Variants in SLC6A4 observed in about 807,000 individuals in gnomAD.
The protein encoded by SLC6A4 is solute carrier family 6 member 4.
In SLC6A4, 22 loss-of-function variants were observed where a neutral mutation model predicts 73.4. That is an observed-to-expected ratio of 0.30 (90% CI 0.21 to 0.43). The LOEUF (loss-of-function observed/expected upper bound fraction) is 0.43, where lower values mean the gene tolerates loss of function less well. Ranked by LOEUF, SLC6A4 falls within the 20% of genes least tolerant of loss-of-function variation. SLC6A4 has a pLI of 1.00. For synonymous variants in SLC6A4, 270 were observed against 315.5 expected (o/e 0.86, Z 1.53); for missense variants, 593 against 808.5 (o/e 0.73, Z 3.23).
In SLC6A4 at chr17:30,221,993, G is replaced by A. The variant is rs780985065; in HGVS notation, c.-35C>T. 3 of 1,613,472 alleles carry A rather than the reference G, an allele frequency of 1.9e-6. No individual in the cohort carries two copies. The African/African-American group carries it at 4.0e-5, about 22-fold the overall frequency. On this transcript the variant is annotated 5_prime_UTR_variant, in exon 3 of 15. Transcript: ENST00000650711. ...TAGTAAATGACACTGATGTCCATCT[G>A]CCAAGGATCCCAATTGATCTCTGGG...
In SLC6A4 at chr17:30,230,092, A is replaced by G. The variant is rs796741102; in HGVS notation, c.-221+5521T>C. On this transcript the variant is annotated intron_variant, in intron 1 of 14. Coordinates refer to ENST00000650711, the MANE Select transcript of SLC6A4 (RefSeq NM_001045.6). Reference sequence around the variant, plus strand: ...AAGAAGAAGAAGAAGAAGAAGAAGAAGAAGAGGAGGAAGAGGAAGAGGAAG... The same window carrying G: ...AAGAAGAAGAAGAAGAAGAAGAAGAGGAAGAGGAGGAAGAGGAAGAGGAAG... Among the ~76,000 whole-genome samples the G allele has an allele frequency of 4.6e-3, 603 of 132,002 alleles. 5 individuals carry two copies. The highest frequency in any genetic ancestry group is 0.013 in the African/African-American group (379 of 29,448). 86.6% of individuals were successfully genotyped at this position (132,002 alleles called of 152,430 possible).
intron 3 of SLC6A4, among the ~76,000 whole-genome samples, chr17:30,220,649 G>T (rs905346858): frequency 5.9e-5 from 9 of 152,176 alleles, no homozygotes; most frequent in Non-Finnish European, 1.2e-4. Flanking sequence ...CCTCACACAG[G>T]TCCAAAGGAT....
At position 30,235,499 on chromosome 17, in the gene SLC6A4, T is replaced by G. The variant is rs1320887337; in HGVS notation, c.-221+114A>C. ...CGCCCACCGCTGGGGCGCATGCACC[T>G]CCTCGCCTCCTCGCAGGGCGGTGGG... On this transcript the variant is annotated intron_variant, in intron 1 of 14. Coordinates refer to ENST00000650711, the MANE Select transcript of SLC6A4 (RefSeq NM_001045.6). The surrounding 1 kb of genome is among the most constrained non-coding windows in gnomAD (Gnocchi z 4.5). The G allele has an allele frequency of 6.6e-6, 1 of 152,182 alleles. No individual in the cohort carries two copies. The highest frequency in any genetic ancestry group is 1.5e-5 in the Non-Finnish European group (1 of 68,052). 9.4% of individuals were successfully genotyped at this position (152,182 alleles called of 1,614,324 possible).
intron 11 of SLC6A4, 149 bp from the exon 12 acceptor site, chr17:30,209,391 G>T: frequency 3.4e-6 from 2 of 589,160 alleles, no homozygotes. Context: ...TGCCTCTTAG[G>T]CCAGGTGCGG....
Position 30,201,737 on chromosome 17 carries a change from G to A in SLC6A4, c.1818+1435C>T, listed in dbSNP as rs775655788. ...TTGGCTGTAGGAAATTAGTAACTAC[G>A]GAGCTCAGAGTTCTGTTCACCCAGA... On this transcript the variant is annotated intron_variant, in intron 14 of 14. Transcript: ENST00000650711. Among the ~76,000 whole-genome samples the A allele has an allele frequency of 4.6e-5, 7 of 152,236 alleles. No homozygotes were observed. In the East Asian group the frequency reaches 1.2e-3, roughly 25 times the overall value.
rs1567819441 is a variant in SLC6A4 at position 30,216,096 on chromosome 17, G to C, written c.958C>G (p.Leu320Val). ...CATCATCTTACCCCTGTCTCCAGGA[G>C]TTTCTGCCAATTGGGTTTCAAGTAG... ...LFYLKPNWQKLLETGVWIDAA... is the reference protein window; with the variant it reads ...LFYLKPNWQKVLETGVWIDAA... Residue 320 changes from leucine (L) to valine (V), a missense_variant, in exon 7 of 15, where the codon CTC (leucine) becomes GTC (valine). Physicochemically the swap from Leu to Val is conservative, Grantham distance 32. Coordinates refer to ENST00000650711, the MANE Select transcript of SLC6A4 (RefSeq NM_001045.6). The C allele has an allele frequency of 6.2e-7, 1 of 1,613,570 alleles. No individual in the cohort carries two copies. The highest frequency in any genetic ancestry group is 8.5e-7 in the Non-Finnish European group (1 of 1,179,788).
intron 1 of SLC6A4, among the ~76,000 whole-genome samples, chr17:30,231,517 T>C (rs1369583986): frequency 1.3e-5 from 2 of 151,630 alleles, no homozygotes; most frequent in East Asian, 3.9e-4. Flanking sequence ...TACAGATACA[T>C]AAATGGCATA....
intron 13 of SLC6A4, among the ~76,000 whole-genome samples, chr17:30,205,449 A>G (rs1325387356): frequency 6.6e-6 from 1 of 152,246 alleles, no homozygotes; most frequent in African/African-American, 2.4e-5. Context: ...TACTGGTAAT[A>G]ATATAAATTA....
rs958396491 is a variant in SLC6A4, at chr17:30,235,288, C to T, written c.-221+325G>A. ...TCCCAAAGCGCAGGACAGCACTTTGCTCAAGACCCTCTTTAAGGGGTCTTT... is the reference window on the plus strand; with the variant it reads ...TCCCAAAGCGCAGGACAGCACTTTGTTCAAGACCCTCTTTAAGGGGTCTTT... On this transcript the variant is annotated intron_variant, in intron 1 of 14. Transcript: ENST00000650711. The surrounding 1 kb of genome is among the most constrained non-coding windows in gnomAD (Gnocchi z 4.5). Among the ~76,000 whole-genome samples the T allele has an allele frequency of 3.9e-5, 6 of 152,222 alleles. No individual in the cohort carries two copies. Among genetic ancestry groups the T allele is most frequent in the Non-Finnish European group, 7.4e-5 (5 of 68,026 alleles).
intron 13 of SLC6A4, among the ~76,000 whole-genome samples, chr17:30,205,426 G>C (rs1373662943): frequency 6.6e-6 from 1 of 152,162 alleles, no homozygotes; most frequent in African/African-American, 2.4e-5. Context: ...TATTTAAGTA[G>C]ATTATTGAGA....
At position 30,212,730 on chromosome 17, in the gene SLC6A4, G is replaced by C. The variant is rs201042034; in HGVS notation, c.1204+10C>G. 1 of 1,613,648 alleles carries C rather than the reference G, an allele frequency of 6.2e-7. No individual in the cohort carries two copies. The highest frequency in any genetic ancestry group is 1.3e-5 in the African/African-American group (1 of 74,920). Reference sequence around the variant, plus strand: ...GGAGCAAGGGACCTGCATAGAACCCGAGGTCCTACCTGCGTCTTTGGCCAC... The same window carrying C: ...GGAGCAAGGGACCTGCATAGAACCCCAGGTCCTACCTGCGTCTTTGGCCAC... On this transcript the variant is annotated intron_variant, in intron 9 of 14. Transcript: ENST00000650711.
chr17:30,228,659 AGTGCCGT>A (rs1906996859), intron 1 of SLC6A4, among the ~76,000 whole-genome samples: 3 of 152,320 alleles, frequency 2.0e-5, no homozygotes, highest in Admixed American at 6.5e-5. Context: ...AGGCACCAAC[AGTGCCGT>A]GTGCGTCCCC....
chr17:30,195,212 ATATT>A lies in SLC6A4; in HGVS notation c.*3240_*3243del, dbSNP rs1372421604. On this transcript the variant is annotated 3_prime_UTR_variant, in exon 15 of 15. Transcript: ENST00000650711. Reference sequence around the variant, plus strand: ...GACATATTTAAGATTCCATCCTAAAATATTTATCTTTTCTATCGTGGTATTAAAC... The same window carrying A: ...GACATATTTAAGATTCCATCCTAAAATATCTTTTCTATCGTGGTATTAAAC... The A allele has an allele frequency of 1.3e-5, 2 of 152,182 alleles. No homozygotes were observed. Among genetic ancestry groups the A allele is most frequent in the Non-Finnish European group, 2.9e-5 (2 of 68,028 alleles). 9.4% of individuals were successfully genotyped at this position (152,182 alleles called of 1,614,324 possible). A position where few individuals can be genotyped will look rare whatever the true frequency, so the allele number is the denominator to read the frequency against.
At chr17:30,203,392 T>C in intron 13 of SLC6A4, 53 bp from the exon 14 acceptor site, 1 of 1,477,724 alleles carries the variant, frequency 6.8e-7, no homozygotes, top group Non-Finnish European at 9.3e-7. Context: ...TCCACTCAGA[T>C]AGAGATGTTT....
chr17:30,209,150 C>A lies in SLC6A4; in HGVS notation c.1542G>T (p.Trp514Cys), dbSNP rs775200271. The change falls in exon 12 of 15, where the codon TGG becomes TGT. Residue 514 changes from tryptophan (W) to cysteine (C), a missense_variant. Trp to Cys is a radical substitution (Grantham distance 215). Transcript: ENST00000650711. Reference protein sequence around the residue: ...VALIEAVAVSWFYGITQFCRD... With the variant: ...VALIEAVAVSCFYGITQFCRD... ...CTGAAGGAAGCGTCTTACCATAGAA[C>A]CAAGACACAGCGACTGCTTCGATCA... is the stretch of plus-strand genomic sequence containing the variant. The A allele has an allele frequency of 6.2e-7, 1 of 1,610,966 alleles. No individual in the cohort carries two copies. The highest frequency in any genetic ancestry group is 1.1e-5 in the South Asian group (1 of 90,996).
At chr17:30,215,029 T>G (rs1223662761) in intron 8 of SLC6A4, among the ~76,000 whole-genome samples, 1 of 149,022 alleles carries the variant, frequency 6.7e-6, no homozygotes, top group African/African-American at 2.5e-5. Context: ...TCTTTTTTCT[T>G]TCTTTCTTTC....
chr17:30,214,248 C>A (rs936106541), intron 8 of SLC6A4, among the ~76,000 whole-genome samples: 5 of 151,392 alleles, frequency 3.3e-5, no homozygotes, highest in South Asian at 2.1e-4. Context: ...CATGGAGAAA[C>A]CCCATCTCTA....
chr17:30,208,625 TG>T (rs1476523747), intron 12 of SLC6A4, among the ~76,000 whole-genome samples: 1 of 152,184 alleles, frequency 6.6e-6, no homozygotes, highest in African/African-American at 2.4e-5. Flanking sequence ...CAACCCAAAA[TG>T]TGCCCCCTCC....
At chr17:30,201,637 T>C (rs1451198293) in intron 14 of SLC6A4, among the ~76,000 whole-genome samples, 2 of 152,204 alleles carry the variant, frequency 1.3e-5, no homozygotes, top group East Asian at 3.8e-4. Context: ...TCAATGACTC[T>C]GGGTAGGAGA....
Sources: gnomAD v4.1 joint callset for allele counts (sites outside exome capture counted in the v4.1 genomes callset) on GRCh38, gnomAD v4.1.1 for gene constraint, Gnocchi (gnomAD v3.1) non-coding constraint, MANE v1.5 for transcripts, NCBI Gene and HGNC (gene_info 2026-07-23, HGNC 2026-07-21) for gene names.